CCDC97: variants seen among roughly 807,000 people sequenced by gnomAD.
CCDC97 encodes coiled-coil domain-containing protein 97.
CCDC97 carries 27 observed loss-of-function variants against 33.9 expected under a neutral mutation model. The ratio of observed to expected loss-of-function variants is 0.80; its 90% CI spans 0.59 to 1.10. The LOEUF (loss-of-function observed/expected upper bound fraction) is 1.10. Among genes scored for constraint, CCDC97 ranks in the 50% least tolerant of loss-of-function variants. The pLI is 0.00. For synonymous variants in CCDC97, 217 were observed against 194.0 expected (o/e 1.12, Z -0.99); for missense variants, 422 against 476.6 (o/e 0.89, Z 1.07).
At position 41,320,327 on chromosome 19, in the gene CCDC97, C is replaced by T. The variant is rs754437768; in HGVS notation, c.782-14C>T. ...TGCACCCGCATTCACACCCCCTCTC[C>T]TCTCCCTCTGCAGACCAGAGGTCAG... On this transcript the variant is annotated splice_polypyrimidine_tract_variant and intron_variant, in intron 3 of 4. Coordinates refer to ENST00000269967, the MANE Select transcript of CCDC97 (RefSeq NM_052848.3). The T allele has an allele frequency of 2.5e-6, 4 of 1,613,504 alleles. No individual in the cohort carries two copies. The South Asian group carries it at 4.4e-5, about 18-fold the overall frequency.
In CCDC97 at chr19:41,324,206, A is replaced by C. The variant is rs2037858868; in HGVS notation, c.*1491A>C. The C allele has an allele frequency of 6.6e-6, 1 of 152,244 alleles. No homozygotes were observed. The highest frequency in any genetic ancestry group is 2.1e-4 in the South Asian group (1 of 4,834). 9.4% of individuals were successfully genotyped at this position (152,244 alleles called of 1,614,324 possible). On this transcript the variant is annotated 3_prime_UTR_variant, in exon 5 of 5. Transcript: ENST00000269967. ...TAAAGAACGAAAGCCTCTGCTACGGAGCGCTTCTGTCCTCTGTCAGGCCCG... is the reference window on the plus strand; with the variant it reads ...TAAAGAACGAAAGCCTCTGCTACGGCGCGCTTCTGTCCTCTGTCAGGCCCG...
At chr19:41,313,540 A>G (rs1481720724) in intron 1 of CCDC97, among the ~76,000 whole-genome samples, 1 of 152,034 alleles carries the variant, frequency 6.6e-6, no homozygotes, top group Non-Finnish European at 1.5e-5. Flanking sequence ...CACACAACAC[A>G]TGTATGTCAC....
intron 2 of CCDC97, among the ~76,000 whole-genome samples, chr19:41,317,921 G>A (rs2037769221): frequency 6.6e-6 from 1 of 150,768 alleles, no homozygotes; most frequent in Non-Finnish European, 1.5e-5. Context: ...TGTGGTGGCA[G>A]GCAACTGTAA....
chr19:41,312,817 G>A (rs982048238), intron 1 of CCDC97, among the ~76,000 whole-genome samples: 3 of 151,740 alleles, frequency 2.0e-5, no homozygotes, highest in South Asian at 2.1e-4. Context: ...ACGGAGTCTC[G>A]CTCTGTTGAC....
Position 41,324,869 on chromosome 19 carries a change from A to G in CCDC97, c.*2154A>G, listed in dbSNP as rs1428798915. On this transcript the variant is annotated 3_prime_UTR_variant, in exon 5 of 5. Transcript: ENST00000269967. ...CATTTGGTCATTAAATTTGTTTACA[A>G]TATACTTTGCTATACGTAAATTTGT... 6.6e-6 allele frequency: 1 copy of G among 152,258 alleles called. No individual in the cohort carries two copies. The highest frequency in any genetic ancestry group is 1.5e-5 in the Non-Finnish European group (1 of 68,048). The allele number at this position is 152,258 out of a possible 1,614,324, so 9.4% of individuals were successfully genotyped here.
intron 4 of CCDC97, chr19:41,320,803 A>T (rs764370732): frequency 3.9e-6 from 1 of 259,264 alleles, no homozygotes; most frequent in South Asian, 4.3e-5. Context: ...AGGAAGCCCA[A>T]CCTCTTCCGC....
chr19:41,311,634 G>T (rs1467613130), intron 1 of CCDC97, among the ~76,000 whole-genome samples: 1 of 152,070 alleles, frequency 6.6e-6, no homozygotes, highest in Non-Finnish European at 1.5e-5. Context: ...TCGGGAGGCT[G>T]AGGCACCAAC....
intron 1 of CCDC97, chr19:41,310,790 A>G: frequency 3.0e-6 from 3 of 1,003,786 alleles, no homozygotes; most frequent in Non-Finnish European, 3.6e-6. Flanking sequence ...CCTCATGCAA[A>G]CTTATCCCAA....
chr19:41,320,225 T>C, intron 3 of CCDC97, 116 bp from the exon 4 acceptor site: 1 of 1,405,990 alleles, frequency 7.1e-7, no homozygotes, highest in Non-Finnish European at 9.8e-7. Context: ...ACTAGTGTGT[T>C]CCCAGAGCCA....
At chr19:41,317,056 G>T (rs1259715682) in intron 2 of CCDC97, among the ~76,000 whole-genome samples, 1 of 152,204 alleles carries the variant, frequency 6.6e-6, no homozygotes, top group African/African-American at 2.4e-5. Context: ...CAGACAATGA[G>T]AATAGATCAG....
At position 41,316,857 on chromosome 19, in the gene CCDC97, G is replaced by A. The variant is rs1239452796; in HGVS notation, c.502+18G>A. Reference sequence around the variant, plus strand: ...GATCCAAGGTGTGGGGGCCAGATGGGCGACAGTGGGCACATATGGGGAGGG... The same window carrying A: ...GATCCAAGGTGTGGGGGCCAGATGGACGACAGTGGGCACATATGGGGAGGG... On this transcript the variant is annotated intron_variant, in intron 2 of 4. Coordinates refer to ENST00000269967, the MANE Select transcript of CCDC97 (RefSeq NM_052848.3). 6.4e-7 allele frequency: 1 copy of A among 1,556,284 alleles called. No homozygotes were observed. The highest frequency in any genetic ancestry group is 2.3e-5 in the East Asian group (1 of 43,918).
chr19:41,310,550 T>C (rs2123049412), intron 1 of CCDC97, 194 bp downstream of exon 1: 1 of 985,318 alleles, frequency 1.0e-6, no homozygotes, highest in Non-Finnish European at 1.2e-6. Context: ...CCTCCATTCC[T>C]TCCCCCCGAA....
At chr19:41,315,092 G>A (rs1281370222) in intron 1 of CCDC97, among the ~76,000 whole-genome samples, 2 of 150,840 alleles carry the variant, frequency 1.3e-5, no homozygotes, top group East Asian at 3.9e-4. Flanking sequence ...ACGAGGTCAG[G>A]AGTTCGAGAC....
At chr19:41,320,606 G>A in intron 4 of CCDC97, 136 bp downstream of exon 4, 2 of 1,140,876 alleles carry the variant, frequency 1.8e-6, no homozygotes, top group Non-Finnish European at 2.5e-6. Context: ...AGGATGTGGG[G>A]TTGAACAGCC....
chr19:41,310,213 A>C lies in CCDC97; in HGVS notation c.-98A>C. The C allele has an allele frequency of 6.6e-7, 1 of 1,512,764 alleles. No homozygotes were observed. Among genetic ancestry groups the C allele is most frequent in the Non-Finnish European group, 9.0e-7 (1 of 1,114,310 alleles). The allele number at this position is 1,512,764 out of a possible 1,614,324, so 93.7% of individuals were successfully genotyped here. ...TGCCTGGGCGCAGCGGTGCACCCGG[A>C]CCCGGAACATTCTCAGGCGAAAGTG... On this transcript the variant is annotated 5_prime_UTR_variant, in exon 1 of 5. Transcript: ENST00000269967.
intron 1 of CCDC97, among the ~76,000 whole-genome samples, chr19:41,315,119 G>C (rs2037729966): frequency 6.6e-6 from 1 of 150,906 alleles, no homozygotes; most frequent in Non-Finnish European, 1.5e-5. Flanking sequence ...AGCCAAGATG[G>C]TGAAACCCTG....
chr19:41,319,048 C>T (rs1259952689), intron 2 of CCDC97, among the ~76,000 whole-genome samples: 4 of 152,234 alleles, frequency 2.6e-5, no homozygotes, highest in Non-Finnish European at 4.4e-5. Context: ...CTGGGCCTCA[C>T]AGGACATGTG....
intron 1 of CCDC97, among the ~76,000 whole-genome samples, chr19:41,313,803 G>A (rs928534624): frequency 3.3e-5 from 5 of 152,096 alleles, no homozygotes; most frequent in Admixed American, 6.5e-5. Flanking sequence ...GGGTTCAAGC[G>A]ATTCTTGTGC....
At chr19:41,316,947 G>A in intron 2 of CCDC97, 108 bp downstream of exon 2, 1 of 839,664 alleles carries the variant, frequency 1.2e-6, no homozygotes, top group Non-Finnish European at 1.8e-6. Context: ...GATCCTGGGA[G>A]AGAAGTTCTG....
Sources: gnomAD v4.1 joint callset for allele counts (sites outside exome capture counted in the v4.1 genomes callset) on GRCh38, gnomAD v4.1.1 for gene constraint, MANE v1.5 for transcripts, NCBI Gene and HGNC (gene_info 2026-07-23, HGNC 2026-07-21) for gene names.